The following PCYOX1L variants were observed in gnomAD, a reference collection of about 807,000 sequenced individuals.
PCYOX1L encodes the protein prenylcysteine oxidase 1-like.
A neutral mutation model predicts 44.1 loss-of-function variants in PCYOX1L; 40 were observed. The ratio of observed to expected loss-of-function variants is 0.91; its 90% CI spans 0.70 to 1.18. The LOEUF is 1.18. PCYOX1L is among the 50% of genes most tolerant of loss of function. The pLI is 0.00. For missense variants in PCYOX1L, 605 were observed against 653.3 expected (o/e 0.93, Z 0.81); for synonymous variants, 266 against 282.8 (o/e 0.94, Z 0.60).
chr5:149,362,714 G>A lies in PCYOX1L; in HGVS notation c.166G>A (p.Asp56Asn), dbSNP rs767840115. 5 of 1,613,954 alleles carry A rather than the reference G, an allele frequency of 3.1e-6. No individual in the cohort carries two copies. Among genetic ancestry groups the A allele is most frequent in the Middle Eastern group, 1.6e-4 (1 of 6,082 alleles). ...GCACTTTGGACCTCGGGTGCAGATCGACGTGTACGAGAAGGGAACCGTGGG... is the reference window on the plus strand; with the variant it reads ...GCACTTTGGACCTCGGGTGCAGATCAACGTGTACGAGAAGGGAACCGTGGG... ...QQHFGPRVQIDVYEKGTVGGR... is the reference protein window; with the variant it reads ...QQHFGPRVQINVYEKGTVGGR... The change falls in exon 2 of 6, where the codon GAC becomes AAC. Residue 56 changes from aspartate (D) to asparagine (N), a missense_variant. Transcript: ENST00000274569.
In PCYOX1L at chr5:149,368,701, A is replaced by G. The variant is rs779873575; in HGVS notation, c.*47A>G. ...AACTTTCATCCCCCACTGAAGATGG[A>G]TCATCCCACAGCAGCCCAGGACTGA... is the stretch of plus-strand genomic sequence containing the variant. On this transcript the variant is annotated 3_prime_UTR_variant, in exon 6 of 6. Coordinates refer to ENST00000274569, the MANE Select transcript of PCYOX1L (RefSeq NM_024028.4). The G allele has an allele frequency of 2.0e-5, 29 of 1,483,342 alleles. No individual in the cohort carries two copies. The highest frequency in any genetic ancestry group is 2.6e-5 in the Non-Finnish European group (29 of 1,119,064). The allele number at this position is 1,483,342 out of a possible 1,614,324, so 91.9% of individuals were successfully genotyped here.
Position 149,368,075 on chromosome 5 carries a change from C to G in PCYOX1L, c.906C>G (p.Thr302=), listed in dbSNP as rs1561704430. The change falls in exon 6 of 6, where the codon ACC becomes ACG. Residue 302 remains threonine, a synonymous_variant. Transcript: ENST00000274569. ...TCTATGACATCGTGGTCATCGCCAC[C>G]CCCCTGCACCTGGACAACAGCAGCA... ...SDFYDIVVIA[T]PLHLDNSSSN... The G allele has an allele frequency of 1.2e-6, 2 of 1,605,332 alleles. No homozygotes were observed. Among genetic ancestry groups the G allele is most frequent in the Non-Finnish European group, 1.7e-6 (2 of 1,175,864 alleles).
chr5:149,364,315 G>T, intron 3 of PCYOX1L, 105 bp downstream of exon 3: 1 of 1,394,462 alleles, frequency 7.2e-7, no homozygotes. Context: ...GGTCCTTGCT[G>T]AATTGAGCCA....
chr5:149,359,499 A>C (rs1757949573), intron 1 of PCYOX1L, among the ~76,000 whole-genome samples: 1 of 152,230 alleles, frequency 6.6e-6, no homozygotes, highest in African/African-American at 2.4e-5. Flanking sequence ...ATGAGTGACC[A>C]TGTGTTCTCT....
rs749416782 is a variant in PCYOX1L, at chr5:149,368,563, A to G, written c.1394A>G (p.Asn465Ser). The G allele has an allele frequency of 1.3e-6, 2 of 1,593,912 alleles. No homozygotes were observed. Among genetic ancestry groups the G allele is most frequent in the African/African-American group, 1.3e-5 (1 of 74,156 alleles). Residue 465 changes from asparagine (N) to serine (S), a missense_variant, in exon 6 of 6, where the codon AAT becomes AGT. Physicochemically the swap from Asn to Ser is conservative, Grantham distance 46. Coordinates refer to ENST00000274569, the MANE Select transcript of PCYOX1L (RefSeq NM_024028.4). ...GAGGTGATGGCCGTGGCTGCCAAGA[A>G]TGTGGCCTTGCTGGCTTACAACCGC... is the stretch of plus-strand genomic sequence containing the variant. Reference protein sequence around the residue: ...SVEVMAVAAKNVALLAYNRWY... With the variant: ...SVEVMAVAAKSVALLAYNRWY...
At chr5:149,361,837 A>G (rs1281522314) in intron 1 of PCYOX1L, among the ~76,000 whole-genome samples, 1 of 152,206 alleles carries the variant, frequency 6.6e-6, no homozygotes, top group Non-Finnish European at 1.5e-5. Flanking sequence ...CATGTTTGTC[A>G]GGCTGGTCTC....
At position 149,368,078 on chromosome 5, in the gene PCYOX1L, C is replaced by G. The variant is rs142131221; in HGVS notation, c.909C>G (p.Pro303=). The G allele has an allele frequency of 8.6e-5, 139 of 1,608,408 alleles. 1 individual carries two copies. In the East Asian group the frequency reaches 1.9e-3, roughly 22 times the overall value. ...ATGACATCGTGGTCATCGCCACCCC[C>G]CTGCACCTGGACAACAGCAGCAGCA... ...DFYDIVVIAT[P]LHLDNSSSNL... is the part of the protein sequence containing the mutation. Residue 303 remains proline, a synonymous_variant, in exon 6 of 6, where the codon CCC becomes CCG. Coordinates refer to ENST00000274569, the MANE Select transcript of PCYOX1L (RefSeq NM_024028.4).
intron 5 of PCYOX1L, 141 bp from the exon 6 acceptor site, chr5:149,367,852 A>G: frequency 1.2e-6 from 1 of 868,486 alleles, no homozygotes. Flanking sequence ...ATCAGCATGG[A>G]GAGGCCAGGA....
At chr5:149,362,339 A>T in intron 1 of PCYOX1L, 1 of 400,038 alleles carries the variant, frequency 2.5e-6, no homozygotes, top group Non-Finnish European at 4.6e-6. Flanking sequence ...TATAAAACTA[A>T]ATTTATTCTC....
rs532195086 is a variant in PCYOX1L, at chr5:149,368,165, C to A, written c.996C>A (p.Thr332=). ...IDDVQGSFQP[T]VVSLVHGYLN... is the part of the protein sequence containing the mutation. ...ACGTGCAGGGCTCTTTCCAGCCCAC[C>A]GTCGTCTCCTTGGTCCACGGCTACC... Residue 332 remains threonine, a synonymous_variant, in exon 6 of 6, where the codon ACC becomes ACA. Transcript: ENST00000274569. The A allele has an allele frequency of 3.7e-6, 6 of 1,613,514 alleles. No homozygotes were observed. The South Asian group carries it at 6.6e-5, about 18-fold the overall frequency.
In PCYOX1L at chr5:149,364,334, C is replaced by T. The variant is rs993217515; in HGVS notation, c.470+124C>T. The T allele has an allele frequency of 2.0e-5, 24 of 1,201,250 alleles. No homozygotes were observed. The South Asian group carries it at 3.3e-4, about 16-fold the overall frequency. The allele number at this position is 1,201,250 out of a possible 1,614,324, so 74.4% of individuals were successfully genotyped here. A position where few individuals can be genotyped will look rare whatever the true frequency, so the allele number is the denominator to read the frequency against. ...CTTGCTGAATTGAGCCAGCACAATT[C>T]AGTGCAGGCTCAGAGCAAGCCCCTG... On this transcript the variant is annotated intron_variant, in intron 3 of 5. Coordinates refer to ENST00000274569, the MANE Select transcript of PCYOX1L (RefSeq NM_024028.4).
chr5:149,363,354 A>T (rs1371137015), intron 2 of PCYOX1L: 1 of 320,634 alleles, frequency 3.1e-6, no homozygotes, highest in African/African-American at 2.2e-5. Flanking sequence ...AAGTGATGCT[A>T]CAGGTGGTCT....
chr5:149,362,433 T>C (rs1758033397), intron 1 of PCYOX1L: 1 of 591,528 alleles, frequency 1.7e-6, no homozygotes, highest in Admixed American at 3.0e-5. Context: ...GAAAGTATAG[T>C]AGGCAGCAGT....
intron 1 of PCYOX1L, 84 bp downstream of exon 1, chr5:149,358,240 G>C (rs1431786340): frequency 7.8e-7 from 1 of 1,289,732 alleles, no homozygotes; most frequent in African/African-American, 1.5e-5. Context: ...TGGGGTATAG[G>C]AGGGCGGCTG....
At chr5:149,365,200 A>T (rs1224795259) in intron 3 of PCYOX1L, 1 of 152,236 alleles carries the variant, frequency 6.6e-6, no homozygotes, top group African/African-American at 2.4e-5. Context: ...CAGACCAATA[A>T]TGTTGACTTC....
Position 149,369,295 on chromosome 5 carries a change from C to T in PCYOX1L, c.*641C>T, listed in dbSNP as rs189124122. 2.2e-4 allele frequency: 33 copies of T among 152,350 alleles called. No individual in the cohort carries two copies. The highest frequency in any genetic ancestry group is 7.5e-4 in the African/African-American group (31 of 41,574). The allele number at this position is 152,350 out of a possible 1,614,324, so 9.4% of individuals were successfully genotyped here. A position where few individuals can be genotyped will look rare whatever the true frequency, so the allele number is the denominator to read the frequency against. ...TGTGCCTGAATAGTCGTCACCATAT[C>T]TCCAAGCTTCCTGGCAACCAGTGGG... On this transcript the variant is annotated 3_prime_UTR_variant, in exon 6 of 6. Coordinates refer to ENST00000274569, the MANE Select transcript of PCYOX1L (RefSeq NM_024028.4).
At chr5:149,358,402 C>T (rs1445846855) in intron 1 of PCYOX1L, among the ~76,000 whole-genome samples, 1 of 152,214 alleles carries the variant, frequency 6.6e-6, no homozygotes. Context: ...CCGCGGATCT[C>T]ACCGGGAGGT....
chr5:149,364,669 G>C (rs1427928779), intron 3 of PCYOX1L: 1 of 155,226 alleles, frequency 6.4e-6, no homozygotes, highest in Non-Finnish European at 1.4e-5. Flanking sequence ...AGTCGTGTGT[G>C]AAATCTTTTC....
chr5:149,360,057 C>G (rs1449185196), intron 1 of PCYOX1L, among the ~76,000 whole-genome samples: 1 of 152,172 alleles, frequency 6.6e-6, no homozygotes, highest in African/African-American at 2.4e-5. Context: ...ATCTTATTTC[C>G]CCAAGAAGGC....
Sources: gnomAD v4.1 joint callset for allele counts (sites outside exome capture counted in the v4.1 genomes callset) on GRCh38, gnomAD v4.1.1 for gene constraint, MANE v1.5 for transcripts, NCBI Gene and HGNC (gene_info 2026-07-23, HGNC 2026-07-21) for gene names.